The following HEMK2 variants were observed in gnomAD, a reference collection of about 807,000 sequenced individuals.
HEMK2 encodes methyltransferase HEMK2.
chr21:28,816,736 A>G, the HEMK2 span, among the ~76,000 whole-genome samples: 2 of 152,344 alleles, frequency 1.3e-5, no homozygotes, highest in South Asian at 4.1e-4. Context: ...TGAATTAGTG[A>G]GCTGGGAGAT....
chr21:28,604,413 A>G, the HEMK2 span, among the ~76,000 whole-genome samples: 1 of 152,096 alleles, frequency 6.6e-6, no homozygotes, highest in East Asian at 1.9e-4. Context: ...AAAGTATAAT[A>G]AAAAAAGAAA....
the HEMK2 span, among the ~76,000 whole-genome samples, chr21:28,640,137 A>C: frequency 3.5e-4 from 53 of 152,372 alleles, no homozygotes; most frequent in African/African-American, 1.2e-3. Context: ...GATAGATAGA[A>C]GAATGCAAAC....
the HEMK2 span, among the ~76,000 whole-genome samples, chr21:28,755,180 G>A: frequency 6.6e-6 from 1 of 152,162 alleles, no homozygotes; most frequent in Non-Finnish European, 1.5e-5. Context: ...AAATGAGAAG[G>A]CTAATGGCAC....
At chr21:28,603,068 A>G in the HEMK2 span, among the ~76,000 whole-genome samples, 1 of 152,160 alleles carries the variant, frequency 6.6e-6, no homozygotes, top group African/African-American at 2.4e-5. Context: ...CTCAAGGAGG[A>G]AAGCCCAGCT....
chr21:28,812,559 T>A, the HEMK2 span, among the ~76,000 whole-genome samples: 1 of 152,230 alleles, frequency 6.6e-6, no homozygotes, highest in Non-Finnish European at 1.5e-5. Context: ...ATTGAGGATT[T>A]TCACATTGAT....
chr21:28,638,734 G>C, the HEMK2 span, among the ~76,000 whole-genome samples: 13 of 152,250 alleles, frequency 8.5e-5, no homozygotes, highest in South Asian at 2.7e-3. Context: ...AGATGATCCA[G>C]GCTGGCCTCA....
chr21:28,613,893 C>T, the HEMK2 span, among the ~76,000 whole-genome samples: 1 of 152,010 alleles, frequency 6.6e-6, no homozygotes, highest in African/African-American at 2.4e-5. Flanking sequence ...CATTGTAAAG[C>T]ATCATTATAA....
chr21:28,827,378 T>G, the HEMK2 span, among the ~76,000 whole-genome samples: 1 of 152,174 alleles, frequency 6.6e-6, no homozygotes, highest in Non-Finnish European at 1.5e-5. Context: ...TTGAGTCACT[T>G]TTGGGAAAAA....
chr21:28,683,506 G>C, the HEMK2 span, among the ~76,000 whole-genome samples: 1 of 152,098 alleles, frequency 6.6e-6, no homozygotes, highest in Admixed American at 6.6e-5. Context: ...CCAGTATCTC[G>C]AGAAATTTTA....
the HEMK2 span, among the ~76,000 whole-genome samples, chr21:28,578,325 G>C: frequency 6.6e-6 from 1 of 152,156 alleles, no homozygotes; most frequent in Admixed American, 6.5e-5. Flanking sequence ...GCTCTGCTCT[G>C]ATTCAGCTCT....
At chr21:28,838,972 A>AAAAATATATATATAT in the HEMK2 span, among the ~76,000 whole-genome samples, 7 of 29,154 alleles carry the variant, frequency 2.4e-4, no homozygotes, top group African/African-American at 7.8e-4. Context: ...AAAAAAAAAA[A>AAAAATATATATATAT]ATATATATAT....
At chr21:28,843,970 G>A in the HEMK2 span, among the ~76,000 whole-genome samples, 1 of 152,144 alleles carries the variant, frequency 6.6e-6, no homozygotes, top group African/African-American at 2.4e-5. Flanking sequence ...TGCACTATTA[G>A]AGCACATTAT....
chr21:28,744,821 T>C, the HEMK2 span, among the ~76,000 whole-genome samples: 1 of 152,242 alleles, frequency 6.6e-6, no homozygotes, highest in Non-Finnish European at 1.5e-5. Flanking sequence ...TTCTGTTTCA[T>C]GCTTTTAGAA....
At chr21:28,820,866 T>C in the HEMK2 span, among the ~76,000 whole-genome samples, 2 of 152,198 alleles carry the variant, frequency 1.3e-5, no homozygotes, top group Admixed American at 1.3e-4. Context: ...GAAGCAATCA[T>C]ATGTTTTTGT....
chr21:28,808,201 C>G, the HEMK2 span, among the ~76,000 whole-genome samples: 3 of 152,122 alleles, frequency 2.0e-5, no homozygotes, highest in African/African-American at 7.2e-5. Flanking sequence ...CAAAAACTCC[C>G]ATGAGGAGTA....
the HEMK2 span, among the ~76,000 whole-genome samples, chr21:28,740,904 T>C: frequency 6.7e-6 from 1 of 149,808 alleles, no homozygotes; most frequent in Admixed American, 6.7e-5. Context: ...AATAAATACA[T>C]TACATTTTTG....
chr21:28,689,912 G>A, the HEMK2 span, among the ~76,000 whole-genome samples: 1 of 152,126 alleles, frequency 6.6e-6, no homozygotes, highest in Non-Finnish European at 1.5e-5. Flanking sequence ...AAGAAGCTGA[G>A]TATATTAGTT....
chr21:28,609,099 A>C, the HEMK2 span, among the ~76,000 whole-genome samples: 2 of 152,194 alleles, frequency 1.3e-5, no homozygotes, highest in Non-Finnish European at 2.9e-5. Flanking sequence ...CTGGAGGCCA[A>C]CCAGCACACG....
chr21:28,727,907 T>C, the HEMK2 span, among the ~76,000 whole-genome samples: 1 of 152,176 alleles, frequency 6.6e-6, no homozygotes, highest in African/African-American at 2.4e-5. Context: ...AATGCTTCTG[T>C]TTTTCATGAA....
Sources: allele counts gnomAD v4.1 joint callset (sites outside exome capture counted in the v4.1 genomes callset), GRCh38; gene constraint gnomAD v4.1.1; transcripts MANE v1.5; gene names NCBI Gene and HGNC (gene_info 2026-07-23, HGNC 2026-07-21).